Variants in MFSD11 observed in about 807,000 individuals in gnomAD.
The protein encoded by MFSD11 is UNC93-like protein MFSD11.
In MFSD11, 36 loss-of-function variants were observed where a neutral mutation model predicts 53.5. The observed-to-expected ratio is 0.67, with a 90% CI of 0.52 to 0.89. MFSD11 has a LOEUF of 0.89. Among genes scored for constraint, MFSD11 ranks in the 40% least tolerant of loss-of-function variants. The pLI is 0.00. For missense variants in MFSD11, 530 were observed against 543.9 expected (o/e 0.97, Z 0.25); for synonymous variants, 186 against 184.9 (o/e 1.01, Z -0.05).
chr17:76,749,983 G>A (rs745824995), intron 7 of MFSD11, among the ~76,000 whole-genome samples: 5 of 152,076 alleles, frequency 3.3e-5, no homozygotes, highest in Non-Finnish European at 7.4e-5. Flanking sequence ...GGAAGGCTGA[G>A]AAAGTAACAT....
the MFSD11 span, among the ~76,000 whole-genome samples, chr17:76,786,808 C>T: frequency 6.6e-6 from 1 of 152,090 alleles, no homozygotes; most frequent in Non-Finnish European, 1.5e-5. Context: ...GCATTAGCCA[C>T]AATGTTTCTT....
chr17:76,768,681 A>G (rs910438210), intron 9 of MFSD11, among the ~76,000 whole-genome samples: 10 of 152,076 alleles, frequency 6.6e-5, no homozygotes, highest in African/African-American at 2.2e-4. Flanking sequence ...TTTCCATTAC[A>G]GTAAGAATAT....
chr17:76,787,211 C>A, the MFSD11 span, among the ~76,000 whole-genome samples: 1 of 150,978 alleles, frequency 6.6e-6, no homozygotes, highest in Non-Finnish European at 1.5e-5. Context: ...TCTCGACTCA[C>A]CGCAACCTCC....
intron 10 of MFSD11, among the ~76,000 whole-genome samples, chr17:76,772,232 G>A (rs1422147256): frequency 6.6e-6 from 1 of 151,862 alleles, no homozygotes. Context: ...ACCAGCCTGG[G>A]CAACATGGCA....
At chr17:76,745,911 T>C (rs1173845756) in intron 7 of MFSD11, among the ~76,000 whole-genome samples, 3 of 152,148 alleles carry the variant, frequency 2.0e-5, no homozygotes, top group African/African-American at 4.8e-5. Context: ...CACTGCAGCC[T>C]CTGCCTCAGC....
At chr17:76,803,739 A>G in the MFSD11 span, among the ~76,000 whole-genome samples, 1 of 151,976 alleles carries the variant, frequency 6.6e-6, no homozygotes, top group African/African-American at 2.4e-5. Flanking sequence ...ATCCTGAATT[A>G]AAAACTGTGA....
the MFSD11 span, among the ~76,000 whole-genome samples, chr17:76,792,534 C>A: frequency 6.7e-5 from 10 of 150,256 alleles, no homozygotes; most frequent in Non-Finnish European, 1.5e-4. Flanking sequence ...GATGAGAAAA[C>A]CAAGGCACAG....
intron 8 of MFSD11, among the ~76,000 whole-genome samples, chr17:76,762,713 A>G (rs2080397656): frequency 1.3e-5 from 2 of 151,400 alleles, no homozygotes; most frequent in African/African-American, 4.9e-5. Context: ...ACATTTATTC[A>G]GTAAATATTA....
At position 76,778,478 on chromosome 17, in the gene MFSD11, A is replaced by T. The variant is rs928861204; in HGVS notation, c.*126A>T. The T allele has an allele frequency of 5.5e-6, 5 of 913,402 alleles. No individual in the cohort carries two copies. The African/African-American group carries it at 6.6e-5, about 12-fold the overall frequency. The allele number at this position is 913,402 out of a possible 1,614,324, so 56.6% of individuals were successfully genotyped here. ...GTTCAGTATGGAAAATCAAGGGATT[A>T]AGACTGTTAAATCAGCCAGAGTTGG... On this transcript the variant is annotated 3_prime_UTR_variant, in exon 13 of 13. Coordinates refer to ENST00000685175, the MANE Select transcript of MFSD11 (RefSeq NM_001242532.5).
At chr17:76,768,985 CA>C (rs769093548) in intron 9 of MFSD11, among the ~76,000 whole-genome samples, 7,414 of 83,046 alleles carry the variant, frequency 0.089, 504 homozygotes, top group African/African-American at 0.24. Flanking sequence ...GACTCTCTCT[CA>C]AAAAAAAAAA....
chr17:76,799,814 G>T, the MFSD11 span, among the ~76,000 whole-genome samples: 1 of 151,660 alleles, frequency 6.6e-6, no homozygotes, highest in Non-Finnish European at 1.5e-5. Context: ...TTCTATTAGG[G>T]GAAAAAAACT....
chr17:76,767,101 T>A, intron 8 of MFSD11: 1 of 314,910 alleles, frequency 3.2e-6, no homozygotes, highest in Non-Finnish European at 5.8e-6. Flanking sequence ...CTTTGTTGTT[T>A]TGTTTGATTC....
At chr17:76,761,721 C>T (rs967029920) in intron 8 of MFSD11, among the ~76,000 whole-genome samples, 1 of 151,920 alleles carries the variant, frequency 6.6e-6, no homozygotes, top group Admixed American at 6.6e-5. Flanking sequence ...AGGAGATCAA[C>T]ACCATCCTGG....
At chr17:76,789,768 G>A in the MFSD11 span, among the ~76,000 whole-genome samples, 47 of 150,162 alleles carry the variant, frequency 3.1e-4, 3 homozygotes, top group African/African-American at 1.1e-3. Flanking sequence ...CTCCCTAAAT[G>A]TGTAAAACCA....
At chr17:76,770,667 T>C (rs983278765) in intron 10 of MFSD11, among the ~76,000 whole-genome samples, 3 of 152,304 alleles carry the variant, frequency 2.0e-5, no homozygotes, top group Middle Eastern at 3.4e-3. Context: ...CCCATAGCCC[T>C]CTTCCCCCTT....
upstream of MFSD11, chr17:76,736,702 G>A: frequency 1.5e-6 from 2 of 1,326,412 alleles, no homozygotes; most frequent in Non-Finnish European, 9.7e-7. Flanking sequence ...GCCCCGTCCG[G>A]GCCCGCACCA....
At chr17:76,742,301 T>C (rs1290679012) in intron 5 of MFSD11, 28 bp downstream of exon 5, 1 of 1,571,476 alleles carries the variant, frequency 6.4e-7, no homozygotes, top group African/African-American at 1.4e-5. Context: ...GTTCAGTCTT[T>C]CCTTTTCTTT....
chr17:76,764,107 C>T (rs1160573766), intron 8 of MFSD11, among the ~76,000 whole-genome samples: 2 of 152,156 alleles, frequency 1.3e-5, no homozygotes, highest in African/African-American at 2.4e-5. Context: ...TCAAGCAATT[C>T]GCCTGCCTCC....
At chr17:76,736,866 G>C, upstream of MFSD11, 1 of 1,610,300 alleles carries the variant, frequency 6.2e-7, no homozygotes, top group Non-Finnish European at 8.5e-7. Flanking sequence ...CGGCTGTGGT[G>C]TGAGTCCGGG....
Sources: gnomAD v4.1 joint callset for allele counts (sites outside exome capture counted in the v4.1 genomes callset) on GRCh38, gnomAD v4.1.1 for gene constraint, MANE v1.5 for transcripts, NCBI Gene and HGNC (gene_info 2026-07-23, HGNC 2026-07-21) for gene names.